ZNF804A: variants seen among roughly 807,000 people sequenced by gnomAD.
ZNF804A encodes zinc finger protein 804A.
A neutral mutation model predicts 16.5 loss-of-function variants in ZNF804A; 2 were observed. That is an observed-to-expected ratio of 0.12 (90% CI 0.05 to 0.38). The LOEUF (loss-of-function observed/expected upper bound fraction) is 0.38, where lower values mean the gene tolerates loss of function less well. Among genes scored for constraint, ZNF804A ranks in the 10% least tolerant of loss-of-function variants. ZNF804A has a pLI of 0.99. For synonymous variants in ZNF804A, 534 were observed against 489.6 expected (o/e 1.09, Z -1.20); for missense variants, 1,473 against 1,390.7 (o/e 1.06, Z -0.94).
At chr2:184,849,943 T>G (rs138406057) in intron 1 of ZNF804A, among the ~76,000 whole-genome samples, 1 of 151,994 alleles carries the variant, frequency 6.6e-6, no homozygotes, top group Admixed American at 6.6e-5. Flanking sequence ...GAGGTCATTA[T>G]GTTAAGTGAA....
intron 1 of ZNF804A, among the ~76,000 whole-genome samples, chr2:184,863,367 A>G (rs765012929): frequency 4.6e-5 from 7 of 152,162 alleles, no homozygotes; most frequent in Non-Finnish European, 4.4e-5. Context: ...CTGACCCTAA[A>G]TAAGCACTAG....
In ZNF804A at chr2:184,604,146, C is replaced by CTTTTTTTT. The variant is rs759053144; in HGVS notation, c.111+5110_111+5117dup. Among the ~76,000 whole-genome samples the CTTTTTTTT allele has an allele frequency of 7.6e-3, 343 of 44,868 alleles. 120 individuals carry two copies. Among genetic ancestry groups the CTTTTTTTT allele is most frequent in the Non-Finnish European group, 0.012 (271 of 22,806 alleles). 29.4% of individuals were successfully genotyped at this position (44,868 alleles called of 152,430 possible). Reference sequence around the variant, plus strand: ...TTCAGGTTATGGATGACTGCAATTACTTTTTTTTTTTTTTTTTTTTTTTTT... The same window carrying CTTTTTTTT: ...TTCAGGTTATGGATGACTGCAATTACTTTTTTTTTTTTTTTTTTTTTTTTTTTTTTTTT... On this transcript the variant is annotated intron_variant, in intron 1 of 3. Transcript: ENST00000302277.
At chr2:184,614,691 G>GA (rs1691292527) in intron 1 of ZNF804A, among the ~76,000 whole-genome samples, 2 of 151,884 alleles carry the variant, frequency 1.3e-5, no homozygotes, top group African/African-American at 4.8e-5. Context: ...AAATTCACAA[G>GA]AAAAAAACAA....
chr2:184,848,390 C>A (rs769869721), intron 1 of ZNF804A, among the ~76,000 whole-genome samples: 5 of 151,984 alleles, frequency 3.3e-5, no homozygotes, highest in Non-Finnish European at 2.9e-5. Context: ...CTATGAGACT[C>A]CAATGCCCAA....
chr2:184,695,393 G>A (rs984927314), intron 1 of ZNF804A, among the ~76,000 whole-genome samples: 1 of 149,734 alleles, frequency 6.7e-6, no homozygotes, highest in Non-Finnish European at 1.5e-5. Context: ...CCCGGTAGGC[G>A]GAGCTCGCAG....
intron 1 of ZNF804A, among the ~76,000 whole-genome samples, chr2:184,721,273 G>T (rs937122403): frequency 2.2e-4 from 34 of 152,138 alleles, no homozygotes; most frequent in African/African-American, 7.9e-4. Context: ...AAAAGTTTCT[G>T]CACAGCAAAG....
At chr2:184,668,822 A>T (rs1187545526) in intron 1 of ZNF804A, among the ~76,000 whole-genome samples, 2 of 152,036 alleles carry the variant, frequency 1.3e-5, no homozygotes, top group Admixed American at 6.6e-5. Context: ...GGAAATAATA[A>T]GTATAATTTA....
rs1279240483 is a variant in ZNF804A, at chr2:184,936,708, C to T, written c.1312C>T (p.Gln438Ter). ...VLNKHRSTVL[Q>*]WPSEMLVYTT... ...TAACAAACACAGATCTACAGTTCTT[C>T]AGTGGCCATCAGAAATGCTGGTTTA... The change falls in exon 4 of 4, where the codon CAG becomes TAG. Residue 438 changes from glutamine to a stop codon, truncating the protein, a stop_gained. Transcript: ENST00000302277. LOFTEE classifies it low-confidence loss of function (END_TRUNC). 6.2e-7 allele frequency: 1 copy of T among 1,613,626 alleles called. No homozygotes were observed.
chr2:184,929,724 T>C (rs2105840693), intron 2 of ZNF804A, among the ~76,000 whole-genome samples: 1 of 152,308 alleles, frequency 6.6e-6, no homozygotes, highest in South Asian at 2.1e-4. Context: ...CACCTGGTAT[T>C]TTACTTCTTT....
chr2:184,706,402 A>T (rs1693031695), intron 1 of ZNF804A, among the ~76,000 whole-genome samples: 1 of 152,232 alleles, frequency 6.6e-6, no homozygotes, highest in Admixed American at 6.5e-5. Context: ...TGATAGGCAG[A>T]GAAGGCAGTA....
At chr2:184,897,939 A>G (rs1685115123) in intron 2 of ZNF804A, among the ~76,000 whole-genome samples, 1 of 152,122 alleles carries the variant, frequency 6.6e-6, no homozygotes, top group Non-Finnish European at 1.5e-5. Flanking sequence ...TTGCTGGAGA[A>G]TGTTAGTACA....
chr2:184,709,818 T>A (rs1035645837), intron 1 of ZNF804A, among the ~76,000 whole-genome samples: 9 of 148,778 alleles, frequency 6.0e-5, no homozygotes, highest in Non-Finnish European at 1.3e-4. Flanking sequence ...ATATTGTGTA[T>A]TTTAATATGA....
chr2:184,779,564 A>G (rs991587837), intron 1 of ZNF804A, among the ~76,000 whole-genome samples: 1 of 151,672 alleles, frequency 6.6e-6, no homozygotes, highest in Admixed American at 6.6e-5. Context: ...GATTATGGAG[A>G]TGGGCCCAAT....
chr2:184,638,016 A>G (rs1691728049), intron 1 of ZNF804A, among the ~76,000 whole-genome samples: 1 of 152,140 alleles, frequency 6.6e-6, no homozygotes, highest in African/African-American at 2.4e-5. Flanking sequence ...CAGTATTGTA[A>G]AGAACCTTCC....
At chr2:184,623,771 G>A (rs1228154043) in intron 1 of ZNF804A, among the ~76,000 whole-genome samples, 6 of 152,040 alleles carry the variant, frequency 3.9e-5, no homozygotes, top group Non-Finnish European at 5.9e-5. Flanking sequence ...AGGTGTGCAC[G>A]CACATACACA....
intron 1 of ZNF804A, among the ~76,000 whole-genome samples, chr2:184,634,865 TG>T (rs1247193079): frequency 6.6e-6 from 1 of 152,176 alleles, no homozygotes; most frequent in Non-Finnish European, 1.5e-5. Flanking sequence ...AGAAAATGTT[TG>T]TGGTATTTGT....
At chr2:184,732,897 T>C (rs1693542327) in intron 1 of ZNF804A, among the ~76,000 whole-genome samples, 1 of 152,154 alleles carries the variant, frequency 6.6e-6, no homozygotes, top group African/African-American at 2.4e-5. Flanking sequence ...CTTGCTGTAA[T>C]TGCCTATTAG....
intron 1 of ZNF804A, among the ~76,000 whole-genome samples, chr2:184,616,413 A>G (rs1691320074): frequency 6.6e-6 from 1 of 152,190 alleles, no homozygotes; most frequent in Non-Finnish European, 1.5e-5. Context: ...ATGCTCTAAG[A>G]TGCCTATGTG....
In ZNF804A at chr2:184,937,691, A is replaced by G. The variant is rs776613524; in HGVS notation, c.2295A>G (p.Ser765=). The part of the protein sequence containing the change: ...KRGYNSVMNE[S]ERFYRKRRQH... ...GTTACAATTCTGTCATGAATGAATC[A>G]GAAAGATTCTATCGAAAACGTAGAC... The change falls in exon 4 of 4, where the codon TCA becomes TCG. Residue 765 remains serine, a synonymous_variant. Transcript: ENST00000302277. The G allele has an allele frequency of 6.2e-7, 1 of 1,614,110 alleles. No homozygotes were observed. Among genetic ancestry groups the G allele is most frequent in the East Asian group, 2.2e-5 (1 of 44,862 alleles).
Sources: gnomAD v4.1 joint callset for allele counts (sites outside exome capture counted in the v4.1 genomes callset) on GRCh38, gnomAD v4.1.1 for gene constraint, MANE v1.5 for transcripts, NCBI Gene and HGNC (gene_info 2026-07-23, HGNC 2026-07-21) for gene names.